Variants in ANGPT1 observed in about 807,000 individuals in gnomAD.
The protein encoded by ANGPT1 is angiopoietin 1.
In ANGPT1, 17 loss-of-function variants were observed where a neutral mutation model predicts 62.2. That is an observed-to-expected ratio of 0.27 (90% CI 0.19 to 0.41). The LOEUF is 0.41. ANGPT1 is among the 10% of genes least tolerant of loss of function. The pLI, the probability that ANGPT1 is intolerant of heterozygous loss-of-function variation, is 1.00. For missense variants in ANGPT1, 478 were observed against 594.9 expected (o/e 0.80, Z 2.04); for synonymous variants, 199 against 198.9 (o/e 1.00, Z 0.00).
chr8:107,262,519 C>T (rs902702297), intron 8 of ANGPT1, among the ~76,000 whole-genome samples: 3 of 152,188 alleles, frequency 2.0e-5, no homozygotes, highest in Non-Finnish European at 4.4e-5. Flanking sequence ...TGCTATCTCA[C>T]AGAGTGGATC....
chr8:107,394,708 T>A (rs574937667), intron 1 of ANGPT1, among the ~76,000 whole-genome samples: 9 of 152,334 alleles, frequency 5.9e-5, no homozygotes, highest in African/African-American at 1.9e-4. Flanking sequence ...TAAATCTATG[T>A]GATTTTTATT....
chr8:107,297,564 T>C (rs1419021734), intron 5 of ANGPT1, among the ~76,000 whole-genome samples: 1 of 144,626 alleles, frequency 6.9e-6, no homozygotes, highest in Non-Finnish European at 1.5e-5. Context: ...TTAAATTTAA[T>C]ATACTATAGT....
intron 1 of ANGPT1, among the ~76,000 whole-genome samples, chr8:107,437,046 C>T (rs1399401323): frequency 1.3e-5 from 2 of 152,166 alleles, no homozygotes; most frequent in Admixed American, 6.5e-5. Context: ...AGTTACATTT[C>T]ACACCAGGAA....
chr8:107,299,083 T>C (rs1814489798), intron 5 of ANGPT1, among the ~76,000 whole-genome samples: 1 of 151,566 alleles, frequency 6.6e-6, no homozygotes, highest in African/African-American at 2.4e-5. Context: ...ATGAATCAAC[T>C]TACCTAATTT....
intron 1 of ANGPT1, among the ~76,000 whole-genome samples, chr8:107,364,200 C>T (rs1816225839): frequency 6.6e-6 from 1 of 152,100 alleles, no homozygotes; most frequent in African/African-American, 2.4e-5. Flanking sequence ...CAAGCATCCA[C>T]AAGGATGTTT....
chr8:107,367,765 C>T (rs1300922355), intron 1 of ANGPT1, among the ~76,000 whole-genome samples: 2 of 152,146 alleles, frequency 1.3e-5, no homozygotes, highest in Non-Finnish European at 1.5e-5. Context: ...TGTAAAGAAA[C>T]CACTTTCCAT....
chr8:107,385,965 C>T (rs1816724320), intron 1 of ANGPT1, among the ~76,000 whole-genome samples: 1 of 151,822 alleles, frequency 6.6e-6, no homozygotes, highest in South Asian at 2.1e-4. Context: ...CAACCTGTGT[C>T]CCAGGAATAA....
At chr8:107,368,008 T>C (rs1477665998) in intron 1 of ANGPT1, among the ~76,000 whole-genome samples, 1 of 152,240 alleles carries the variant, frequency 6.6e-6, no homozygotes, top group African/African-American at 2.4e-5. Context: ...ACTAATGTTC[T>C]TACTGGCTTC....
intron 1 of ANGPT1, among the ~76,000 whole-genome samples, chr8:107,431,223 T>C (rs1811178487): frequency 1.3e-5 from 2 of 152,220 alleles, no homozygotes; most frequent in African/African-American, 4.8e-5. Flanking sequence ...GGTCAGTGAT[T>C]TTGGTTTATA....
chr8:107,281,554 G>A (rs142455122), intron 7 of ANGPT1, among the ~76,000 whole-genome samples: 14 of 152,170 alleles, frequency 9.2e-5, no homozygotes, highest in Non-Finnish European at 1.3e-4. Context: ...TGAGGCGTGC[G>A]GATCACGAGA....
At chr8:107,390,009 T>C (rs1193646609) in intron 1 of ANGPT1, among the ~76,000 whole-genome samples, 2 of 152,126 alleles carry the variant, frequency 1.3e-5, no homozygotes, top group South Asian at 2.1e-4. Flanking sequence ...TCCTACTTCC[T>C]TTCCAAAATG....
intron 1 of ANGPT1, among the ~76,000 whole-genome samples, chr8:107,366,961 C>A (rs1816286363): frequency 6.6e-6 from 1 of 152,112 alleles, no homozygotes; most frequent in African/African-American, 2.4e-5. Context: ...GAGAGACCCA[C>A]ATGGTGAGAA....
At chr8:107,310,940 T>TGC (rs1814837818) in intron 4 of ANGPT1, among the ~76,000 whole-genome samples, 1 of 116,970 alleles carries the variant, frequency 8.5e-6, no homozygotes, top group South Asian at 3.5e-4. Flanking sequence ...AGTGTGAGTG[T>TGC]GTGTGTGTGT....
chr8:107,495,492 T>C (rs1406061707), intron 1 of ANGPT1, among the ~76,000 whole-genome samples: 1 of 152,200 alleles, frequency 6.6e-6, no homozygotes, highest in Non-Finnish European at 1.5e-5. Flanking sequence ...TGCTGAATAA[T>C]TGCATAGCAA....
At chr8:107,490,650 C>T (rs1586366627) in intron 1 of ANGPT1, among the ~76,000 whole-genome samples, 1 of 152,148 alleles carries the variant, frequency 6.6e-6, no homozygotes, top group East Asian at 1.9e-4. Flanking sequence ...ATTCCTCTTG[C>T]AATATAGGGC....
Position 107,321,909 on chromosome 8 carries a change from G to C in ANGPT1, c.795C>G (p.Cys265Trp). The C allele has an allele frequency of 6.2e-7, 1 of 1,613,664 alleles. No individual in the cohort carries two copies. Among genetic ancestry groups the C allele is most frequent in the Non-Finnish European group, 8.5e-7 (1 of 1,179,720 alleles). ...MDTVHNLVNL[C>W]TKEGVLLKGG... ...AGACATTCTTACCACCTTCTTTAGTGCAAAGATTGACAAGGTTGTGGACTG... is the reference window on the plus strand; with the variant it reads ...AGACATTCTTACCACCTTCTTTAGTCCAAAGATTGACAAGGTTGTGGACTG... The change falls in exon 4 of 9, where the codon TGC becomes TGG. Residue 265 changes from cysteine to tryptophan, a missense_variant. Physicochemically the swap from Cys to Trp is radical, Grantham distance 215. This residue lies in a region of ANGPT1 where 343 missense variants were observed against 355.4 expected (regional missense o/e 0.97). Transcript: ENST00000517746.
At chr8:107,261,108 A>T (rs55905195) in intron 8 of ANGPT1, among the ~76,000 whole-genome samples, 4 of 152,050 alleles carry the variant, frequency 2.6e-5, no homozygotes, top group Non-Finnish European at 5.9e-5. Flanking sequence ...AGACATGGAG[A>T]AAATAAAGCA....
intron 1 of ANGPT1, among the ~76,000 whole-genome samples, chr8:107,364,568 A>G (rs1816234174): frequency 6.6e-6 from 1 of 152,180 alleles, no homozygotes; most frequent in Non-Finnish European, 1.5e-5. Flanking sequence ...GGCGTGAGCC[A>G]CTGTGCCCAG....
intron 1 of ANGPT1, among the ~76,000 whole-genome samples, chr8:107,386,097 C>T (rs2130288810): frequency 6.6e-6 from 1 of 152,110 alleles, no homozygotes; most frequent in East Asian, 1.9e-4. Flanking sequence ...TCTGCAACAA[C>T]ATGGATGGAG....
Sources: gnomAD v4.1 joint callset for allele counts (sites outside exome capture counted in the v4.1 genomes callset) on GRCh38, gnomAD v4.1.1 for gene constraint, gnomAD v4.1.1 regional missense constraint, MANE v1.5 for transcripts, NCBI Gene and HGNC (gene_info 2026-07-23, HGNC 2026-07-21) for gene names.